The following ITPRID1 variants were observed in gnomAD, a reference collection of about 807,000 sequenced individuals.
ITPRID1 encodes ITPR interacting domain containing 1, also known as protein ITPRID1.
Under a neutral mutation model 95.4 loss-of-function variants are expected in ITPRID1, and 96 were observed. The ratio of observed to expected loss-of-function variants is 1.01; its 90% CI spans 0.85 to 1.19. The LOEUF is 1.19. Among genes scored for constraint, ITPRID1 ranks in the 50% most tolerant of loss-of-function variants. The probability of loss-of-function intolerance (pLI) is 0.00; values close to 1 mark genes in which losing one functional copy is unlikely to be tolerated. For synonymous variants in ITPRID1, 510 were observed against 453.6 expected, an observed-to-expected ratio of 1.12 and a Z score of -1.58; for missense variants, 1,339 against 1,252.9, an observed-to-expected ratio of 1.07 and a Z score of -1.04.
At chr7:31,574,825 G>A in intron 8 of ITPRID1, 83 bp downstream of exon 8, 2 of 1,243,970 alleles carry the variant, frequency 1.6e-6, no homozygotes, top group Non-Finnish European at 2.3e-6. Context: ...AGGAGATTGT[G>A]TGAAGTAGCA....
chr7:31,548,001 A>T (rs1162819224), intron 1 of ITPRID1, among the ~76,000 whole-genome samples: 1 of 152,114 alleles, frequency 6.6e-6, no homozygotes, highest in Non-Finnish European at 1.5e-5. Flanking sequence ...GTCACATGAA[A>T]GACAAATTTA....
chr7:31,551,793 T>G (rs1784291488), intron 2 of ITPRID1: 9 of 309,768 alleles, frequency 2.9e-5, no homozygotes, highest in South Asian at 2.3e-4. Context: ...ACATGTCATG[T>G]GATCAGTGAT....
rs750792790 is a variant in ITPRID1, at chr7:31,553,113, C to T, written c.89C>T (p.Ala30Val). 1.2e-4 allele frequency: 187 copies of T among 1,601,312 alleles called. No homozygotes were observed. The highest frequency in any genetic ancestry group is 2.6e-4 in the South Asian group (23 of 88,656). Residue 30 changes from alanine to valine, a missense_variant, in exon 3 of 15, where the codon GCG becomes GTG. Transcript: ENST00000615280. ...KREILKCTKS[A>V]WAPLDEWLPP... ...GAGATCCTGAAGTGCACCAAAAGCG[C>T]GTGGGCTCCGCTGGATGAGTGGCTG...
intron 2 of ITPRID1, among the ~76,000 whole-genome samples, chr7:31,552,256 G>A (rs921900531): frequency 2.1e-5 from 3 of 142,696 alleles, no homozygotes; most frequent in African/African-American, 7.4e-5. Context: ...AGGATATATA[G>A]CATAGTCATG....
intron 10 of ITPRID1, among the ~76,000 whole-genome samples, chr7:31,623,570 A>C (rs1475314575): frequency 6.6e-6 from 1 of 151,108 alleles, no homozygotes; most frequent in Admixed American, 6.6e-5. Flanking sequence ...CATACTAAAA[A>C]CTCTCAATAA....
chr7:31,519,645 T>TATATATATATATATATATAAAA (rs1332451516), intron 1 of ITPRID1, among the ~76,000 whole-genome samples: 1 of 115,118 alleles, frequency 8.7e-6, no homozygotes, highest in Non-Finnish European at 1.7e-5. Context: ...TATATATATA[T>TATATATATATATATATATAAAA]AAATCTTATG....
At chr7:31,611,096 CTTG>C (rs1786847604) in intron 10 of ITPRID1, among the ~76,000 whole-genome samples, 2 of 150,180 alleles carry the variant, frequency 1.3e-5, no homozygotes, top group Admixed American at 1.3e-4. Context: ...TTTAAAATAT[CTTG>C]TTATTACTTT....
intron 10 of ITPRID1, among the ~76,000 whole-genome samples, chr7:31,608,936 T>C (rs1446902416): frequency 2.0e-5 from 3 of 151,738 alleles, no homozygotes; most frequent in Non-Finnish European, 3.0e-5. Context: ...TATTTTACCA[T>C]TATGTATGAT....
chr7:31,574,861 C>T, intron 8 of ITPRID1, 119 bp downstream of exon 8: 1 of 841,998 alleles, frequency 1.2e-6, no homozygotes, highest in East Asian at 2.7e-5. Flanking sequence ...ACAGTGACTT[C>T]ACACACAAAA....
intron 10 of ITPRID1, among the ~76,000 whole-genome samples, chr7:31,622,926 C>G (rs1377908686): frequency 6.6e-6 from 1 of 152,140 alleles, no homozygotes; most frequent in Non-Finnish European, 1.5e-5. Flanking sequence ...AAGGGGATAT[C>G]ACCACCAATC....
At chr7:31,601,226 G>T (rs1368163350) in intron 10 of ITPRID1, among the ~76,000 whole-genome samples, 2 of 152,194 alleles carry the variant, frequency 1.3e-5, no homozygotes, top group African/African-American at 4.8e-5. Context: ...GACAGATACA[G>T]ATCTAGGTGC....
intron 10 of ITPRID1, among the ~76,000 whole-genome samples, chr7:31,638,553 G>T (rs1448657266): frequency 6.6e-6 from 1 of 152,098 alleles, no homozygotes; most frequent in Non-Finnish European, 1.5e-5. Flanking sequence ...TTTTAAAGAT[G>T]TAGATAATAA....
chr7:31,516,820 T>C (rs1783056283), intron 1 of ITPRID1, among the ~76,000 whole-genome samples: 1 of 152,112 alleles, frequency 6.6e-6, no homozygotes, highest in African/African-American at 2.4e-5. Context: ...TGGCCAGAAG[T>C]GGTGGGTTCT....
chr7:31,574,952 G>A (rs1785128684), intron 8 of ITPRID1, among the ~76,000 whole-genome samples: 1 of 152,206 alleles, frequency 6.6e-6, no homozygotes, highest in East Asian at 1.9e-4. Context: ...TTTGCTCCAT[G>A]TTGTCCTCAC....
intron 12 of ITPRID1, among the ~76,000 whole-genome samples, chr7:31,650,098 AG>A (rs1051319858): frequency 2.0e-5 from 3 of 152,204 alleles, no homozygotes; most frequent in African/African-American, 7.2e-5. Flanking sequence ...CCGGGGACAG[AG>A]GCCCAAACCT....
chr7:31,529,636 T>C lies in ITPRID1; in HGVS notation c.-98+15516T>C, dbSNP rs1445390683. The C allele has an allele frequency of 8.2e-6, 6 of 734,046 alleles. No individual in the cohort carries two copies. The African/African-American group carries it at 8.9e-5, about 11-fold the overall frequency. 45.5% of individuals were successfully genotyped at this position (734,046 alleles called of 1,614,324 possible). ...GCAAACAGACTGTCTTGGCTTTCTA[T>C]GACCAACTTTTAAATAGGAGCAGAC... is the stretch of plus-strand genomic sequence containing the variant. On this transcript the variant is annotated intron_variant, in intron 1 of 14. Coordinates refer to ENST00000615280, the MANE Select transcript of ITPRID1 (RefSeq NM_001257967.3).
intron 1 of ITPRID1, among the ~76,000 whole-genome samples, chr7:31,522,365 A>G (rs930574610): frequency 6.6e-6 from 1 of 152,128 alleles, no homozygotes; most frequent in African/African-American, 2.4e-5. Context: ...GGTCACATTC[A>G]CTGCCATTGA....
chr7:31,530,230 A>G (rs1783552188), intron 1 of ITPRID1, among the ~76,000 whole-genome samples: 1 of 152,182 alleles, frequency 6.6e-6, no homozygotes. Context: ...TTTTATTGCT[A>G]TTCTTTGTAC....
At chr7:31,593,324 AAAAAC>A (rs538097925) in intron 10 of ITPRID1, among the ~76,000 whole-genome samples, 91 of 152,244 alleles carry the variant, frequency 6.0e-4, no homozygotes, top group African/African-American at 2.1e-3. Context: ...AGACAAAAAC[AAAAAC>A]AAAACAATCA....
Sources: allele counts gnomAD v4.1 joint callset (sites outside exome capture counted in the v4.1 genomes callset), GRCh38; gene constraint gnomAD v4.1.1; transcripts MANE v1.5; gene names NCBI Gene and HGNC (gene_info 2026-07-23, HGNC 2026-07-21).